RNF180: variants seen among roughly 807,000 people sequenced by gnomAD.
The protein encoded by RNF180 is E3 ubiquitin-protein ligase RNF180.
Under a neutral mutation model 59.2 loss-of-function variants are expected in RNF180, and 38 were observed. That is an observed-to-expected ratio of 0.64 (90% CI 0.50 to 0.84). RNF180 has a LOEUF of 0.84. RNF180 is among the 40% of genes least tolerant of loss of function. The pLI, the probability that RNF180 is intolerant of heterozygous loss-of-function variation, is 0.00. For synonymous variants in RNF180, 262 were observed against 240.3 expected (o/e 1.09, Z -0.84); for missense variants, 705 against 700.9 (o/e 1.01, Z -0.07).
At chr5:64,357,161 T>C (rs1392118175) in intron 7 of RNF180, among the ~76,000 whole-genome samples, 2 of 151,866 alleles carry the variant, frequency 1.3e-5, no homozygotes, top group Non-Finnish European at 2.9e-5. Context: ...ATATAAAAGA[T>C]TAACTTTCAG....
chr5:64,257,980 A>G lies in RNF180; in HGVS notation c.1227+40584A>G, dbSNP rs143084748. 1.1e-3 allele frequency among the ~76,000 whole-genome samples: 173 copies of G among 152,324 alleles called. 8 individuals carry two copies. The East Asian group carries it at 0.032, about 28-fold the overall frequency. ...AGCTGAGAAGGAGATAAAGGAAGTG[A>G]TGACATCCTAATTTGGCCAGTGCCA... is the stretch of plus-strand genomic sequence containing the variant. On this transcript the variant is annotated intron_variant, in intron 5 of 7. Coordinates refer to ENST00000389100, the MANE Select transcript of RNF180 (RefSeq NM_001113561.2).
At chr5:64,258,992 G>A (rs993506453) in intron 5 of RNF180, among the ~76,000 whole-genome samples, 1 of 152,164 alleles carries the variant, frequency 6.6e-6, no homozygotes, top group African/African-American at 2.4e-5. Context: ...GGACAGCAGT[G>A]GGTAGGAGAA....
chr5:64,342,945 C>CCTAA (rs1166978760), intron 7 of RNF180, among the ~76,000 whole-genome samples: 1 of 152,126 alleles, frequency 6.6e-6, no homozygotes. Flanking sequence ...GAAAGTACAA[C>CCTAA]CTAACTTCAA....
rs567412727 is a variant in RNF180, at chr5:64,253,103, C to G, written c.1227+35707C>G. Among the ~76,000 whole-genome samples the G allele has an allele frequency of 2.6e-5, 4 of 152,242 alleles. No homozygotes were observed. In the South Asian group the frequency reaches 8.3e-4, roughly 32 times the overall value. On this transcript the variant is annotated intron_variant, in intron 5 of 7. Coordinates refer to ENST00000389100, the MANE Select transcript of RNF180 (RefSeq NM_001113561.2). ...AATGATTTGCCTTGAAGATTGTTGT[C>G]CTAGTCTACACAGAGAAAATCAGAG...
chr5:64,310,023 A>C (rs1272650548), intron 5 of RNF180, among the ~76,000 whole-genome samples: 1 of 151,782 alleles, frequency 6.6e-6, no homozygotes, highest in African/African-American at 2.4e-5. Context: ...GCCCTTTCTC[A>C]GATGGGTATC....
chr5:64,181,506 A>G (rs1266013724), intron 1 of RNF180, among the ~76,000 whole-genome samples: 6 of 152,202 alleles, frequency 3.9e-5, no homozygotes, highest in African/African-American at 9.7e-5. Context: ...AATAAAGGGT[A>G]TTGAAAAATG....
intron 1 of RNF180, among the ~76,000 whole-genome samples, chr5:64,189,422 G>C (rs1751028080): frequency 6.6e-6 from 1 of 152,158 alleles, no homozygotes; most frequent in Non-Finnish European, 1.5e-5. Flanking sequence ...ACAGAAGTGA[G>C]GACTGTGTTA....
chr5:64,223,630 A>G (rs543511593), intron 5 of RNF180, among the ~76,000 whole-genome samples: 151 of 152,316 alleles, frequency 9.9e-4, no homozygotes, highest in African/African-American at 3.4e-3. Flanking sequence ...TTGTGCCCTT[A>G]ACCATTATTC....
At chr5:64,290,827 C>G (rs1323782646) in intron 5 of RNF180, among the ~76,000 whole-genome samples, 1 of 152,098 alleles carries the variant, frequency 6.6e-6, no homozygotes, top group Non-Finnish European at 1.5e-5. Flanking sequence ...ACTCTTTATC[C>G]AGCTTGCCAT....
At chr5:64,268,618 G>GT (rs1317325972) in intron 5 of RNF180, among the ~76,000 whole-genome samples, 1 of 152,096 alleles carries the variant, frequency 6.6e-6, no homozygotes, top group Non-Finnish European at 1.5e-5. Context: ...ACATACCAAA[G>GT]TAAGATTTTG....
At chr5:64,258,693 A>G (rs1744137036) in intron 5 of RNF180, among the ~76,000 whole-genome samples, 1 of 152,182 alleles carries the variant, frequency 6.6e-6, no homozygotes. Context: ...CTTTATACAT[A>G]TGTATGTTTA....
chr5:64,252,294 AG>A (rs1743631282), intron 5 of RNF180, among the ~76,000 whole-genome samples: 1 of 152,250 alleles, frequency 6.6e-6, no homozygotes, highest in Admixed American at 6.5e-5. Context: ...CAGTTAGGGG[AG>A]GGGGAAGTTG....
intron 5 of RNF180, among the ~76,000 whole-genome samples, chr5:64,285,076 T>C (rs1393605227): frequency 6.6e-6 from 1 of 152,222 alleles, no homozygotes; most frequent in African/African-American, 2.4e-5. Context: ...CTGGAAGATT[T>C]CACAGAACCA....
At chr5:64,292,186 G>C (rs1016142530) in intron 5 of RNF180, among the ~76,000 whole-genome samples, 25 of 152,176 alleles carry the variant, frequency 1.6e-4, no homozygotes, top group African/African-American at 5.8e-4. Context: ...AAGGTGCTGC[G>C]GTCATTTGGA....
At chr5:64,353,563 T>G (rs1239493001) in intron 7 of RNF180, among the ~76,000 whole-genome samples, 2 of 151,774 alleles carry the variant, frequency 1.3e-5, no homozygotes, top group Non-Finnish European at 2.9e-5. Flanking sequence ...TGAAATAGTA[T>G]AACATAAACC....
intron 1 of RNF180, among the ~76,000 whole-genome samples, chr5:64,184,895 C>T (rs1050011347): frequency 2.0e-5 from 3 of 152,160 alleles, no homozygotes; most frequent in Non-Finnish European, 4.4e-5. Flanking sequence ...TTTTCTCTGT[C>T]CATGCTCACA....
chr5:64,315,309 G>C (rs538003478), intron 5 of RNF180, among the ~76,000 whole-genome samples: 1 of 152,330 alleles, frequency 6.6e-6, no homozygotes, highest in East Asian at 1.9e-4. Context: ...TTCCCTTGGA[G>C]TGACAGATTT....
Position 64,280,965 on chromosome 5 carries a change from G to T in RNF180, c.1228-44221G>T, listed in dbSNP as rs558465096. 5.3e-5 allele frequency among the ~76,000 whole-genome samples: 8 copies of T among 152,192 alleles called. No homozygotes were observed. The South Asian group carries it at 1.5e-3, about 28-fold the overall frequency. Reference sequence around the variant, plus strand: ...ATGGGATGTTTTTCCATTTGTATTTGTCATGTCTGATTTCTTTCAGCAGTG... The same window carrying T: ...ATGGGATGTTTTTCCATTTGTATTTTTCATGTCTGATTTCTTTCAGCAGTG... On this transcript the variant is annotated intron_variant, in intron 5 of 7. Transcript: ENST00000389100.
At chr5:64,309,239 C>G (rs776212949) in intron 5 of RNF180, among the ~76,000 whole-genome samples, 12 of 151,704 alleles carry the variant, frequency 7.9e-5, no homozygotes, top group Non-Finnish European at 1.6e-4. Context: ...GTTAGGGACT[C>G]TGGCTCAGCC....
Sources: gnomAD v4.1 joint callset for allele counts (sites outside exome capture counted in the v4.1 genomes callset) on GRCh38, gnomAD v4.1.1 for gene constraint, MANE v1.5 for transcripts, NCBI Gene and HGNC (gene_info 2026-07-23, HGNC 2026-07-21) for gene names.